RCSD1: variants seen among roughly 807,000 people sequenced by gnomAD.
RCSD1 encodes the protein RCSD domain containing 1.
Under a neutral mutation model 42.5 loss-of-function variants are expected in RCSD1, and 26 were observed. The ratio of observed to expected loss-of-function variants is 0.61; its 90% confidence interval spans 0.45 to 0.85. The LOEUF is 0.85. Among genes scored for constraint, RCSD1 ranks in the 40% least tolerant of loss-of-function variants. The pLI, the probability that RCSD1 is intolerant of heterozygous loss-of-function variation, is 0.00. For missense variants in RCSD1, 571 were observed against 528.3 expected, an observed-to-expected ratio of 1.08 and a Z score of -0.79; for synonymous variants, 220 against 212.2, an observed-to-expected ratio of 1.04 and a Z score of -0.32.
chr1:167,640,873 G>T (rs1171250371), intron 1 of RCSD1, among the ~76,000 whole-genome samples: 1 of 152,056 alleles, frequency 6.6e-6, no homozygotes, highest in Non-Finnish European at 1.5e-5. Flanking sequence ...AACTTTTAGG[G>T]GGTCACCATT....
At chr1:167,685,745 C>T (rs758438303) in intron 3 of RCSD1, among the ~76,000 whole-genome samples, 2 of 152,102 alleles carry the variant, frequency 1.3e-5, no homozygotes, top group African/African-American at 2.4e-5. Flanking sequence ...GTCAAGGACA[C>T]GAACACTATT....
chr1:167,691,226 T>C (rs1239336001), intron 4 of RCSD1, among the ~76,000 whole-genome samples: 1 of 152,230 alleles, frequency 6.6e-6, no homozygotes, highest in Admixed American at 6.5e-5. Context: ...AAAATGTCTC[T>C]AGACATTGTC....
intron 6 of RCSD1, among the ~76,000 whole-genome samples, chr1:167,698,924 C>G (rs547071442): frequency 2.0e-5 from 3 of 152,112 alleles, no homozygotes; most frequent in Admixed American, 6.5e-5. Flanking sequence ...CTCAGCCTCC[C>G]GAGTAGCTGG....
At chr1:167,676,987 C>T (rs1658967549) in intron 1 of RCSD1, among the ~76,000 whole-genome samples, 1 of 152,204 alleles carries the variant, frequency 6.6e-6, no homozygotes, top group South Asian at 2.1e-4. Context: ...CTGGGATTCT[C>T]CCTGGGAGCC....
chr1:167,692,934 G>T (rs1042512161), intron 4 of RCSD1, among the ~76,000 whole-genome samples: 2 of 151,900 alleles, frequency 1.3e-5, no homozygotes, highest in African/African-American at 4.8e-5. Flanking sequence ...GTGAGTATGG[G>T]GCAGGAGAGA....
Position 167,697,464 on chromosome 1 carries a change from G to A in RCSD1, c.840G>A (p.Glu280=), listed in dbSNP as rs552888962. ...ACGGCCAGCACCCGGCCCAAGAGGA[G>A]GTCCCGGAATCGCCCCAGACCTCTG... The part of the protein sequence containing the change: ...EVDGQHPAQE[E]VPESPQTSGP... The change falls in exon 6 of 7, where the codon GAG becomes GAA. Residue 280 remains glutamate, a synonymous_variant. Coordinates refer to ENST00000367854, the MANE Select transcript of RCSD1 (RefSeq NM_052862.4). 1.9e-6 allele frequency: 3 copies of A among 1,611,154 alleles called. No individual in the cohort carries two copies. Among genetic ancestry groups the A allele is most frequent in the Non-Finnish European group, 2.5e-6 (3 of 1,178,792 alleles).
At chr1:167,661,349 G>C (rs944940957) in intron 1 of RCSD1, among the ~76,000 whole-genome samples, 1 of 152,224 alleles carries the variant, frequency 6.6e-6, no homozygotes, top group Non-Finnish European at 1.5e-5. Context: ...CCCTGGTTGA[G>C]GGCCTAGTTC....
At chr1:167,671,590 A>G (rs1229357) in intron 1 of RCSD1, among the ~76,000 whole-genome samples, 77,741 of 152,044 alleles carry the variant, frequency 0.51, 20,288 homozygotes, top group East Asian at 0.65. Flanking sequence ...TCTGCAGGAG[A>G]CAGCATAGTT....
intron 1 of RCSD1, among the ~76,000 whole-genome samples, chr1:167,680,861 GGT>G (rs1282350875): frequency 6.6e-6 from 1 of 152,190 alleles, no homozygotes; most frequent in African/African-American, 2.4e-5. Flanking sequence ...AGAGGCTAAG[GGT>G]GTCTCAGGAA....
intron 1 of RCSD1, among the ~76,000 whole-genome samples, chr1:167,675,099 C>T (rs2902348): frequency 0.14 from 21,178 of 149,826 alleles, 3,296 homozygotes; most frequent in African/African-American, 0.39. Context: ...CCAGCTACTT[C>T]GGAGGCTGAG....
intron 4 of RCSD1, among the ~76,000 whole-genome samples, chr1:167,693,236 T>C (rs1659418040): frequency 1.3e-5 from 2 of 152,138 alleles, no homozygotes; most frequent in African/African-American, 4.8e-5. Flanking sequence ...TCTGTGGTGA[T>C]TTGGGAATGC....
rs564819473 is a variant in RCSD1, at chr1:167,639,578, C to T, written c.6+9149C>T. ...TGCAATCTCGGCTCACTGCAACCTC[C>T]ACCTCCCTGGTTCAAACGATTCTCC... On this transcript the variant is annotated intron_variant, in intron 1 of 6. Transcript: ENST00000367854. 1.8e-4 allele frequency among the ~76,000 whole-genome samples: 28 copies of T among 152,234 alleles called. No homozygotes were observed. The East Asian group carries it at 4.1e-3, about 22-fold the overall frequency.
intron 1 of RCSD1, among the ~76,000 whole-genome samples, chr1:167,634,835 T>C (rs1040533365): frequency 2.6e-5 from 4 of 152,186 alleles, no homozygotes; most frequent in African/African-American, 7.2e-5. Context: ...TCAGTATTTA[T>C]TGGGCCCTTA....
chr1:167,660,154 A>T (rs978163215), intron 1 of RCSD1, among the ~76,000 whole-genome samples: 1 of 152,122 alleles, frequency 6.6e-6, no homozygotes, highest in Non-Finnish European at 1.5e-5. Context: ...AGCATTTTAC[A>T]TGTGCTCTCT....
chr1:167,700,524 G>A (rs905447619), intron 6 of RCSD1, among the ~76,000 whole-genome samples: 3 of 152,098 alleles, frequency 2.0e-5, no homozygotes, highest in South Asian at 2.1e-4. Flanking sequence ...GGTTGTGGGC[G>A]CCTGTGGTCC....
Position 167,697,658 on chromosome 1 carries a change from TGAA to T in RCSD1, c.1036_1038del (p.Lys346del). 6.2e-7 allele frequency: 1 copy of T among 1,605,286 alleles called. No homozygotes were observed. The highest frequency in any genetic ancestry group is 8.5e-7 in the Non-Finnish European group (1 of 1,176,140). On this transcript the variant is annotated inframe_deletion, in exon 6 of 7. Coordinates refer to ENST00000367854, the MANE Select transcript of RCSD1 (RefSeq NM_052862.4). Reference sequence around the variant, plus strand: ...AAGAAGCTGGAGGAGGGAGCTGCAGTGAAGGAGACCCCCCACAGTCCCCCTGGA... The same window carrying T: ...AAGAAGCTGGAGGAGGGAGCTGCAGTGGAGACCCCCCACAGTCCCCCTGGA...
At position 167,704,849 on chromosome 1, in the gene RCSD1, C is replaced by A; in HGVS notation, c.*153C>A. ...CTGAAGACACAGGGTGGATTATTTC[C>A]TGGCCTCCACACCAAACGTTCCCTT... On this transcript the variant is annotated 3_prime_UTR_variant, in exon 7 of 7. Coordinates refer to ENST00000367854, the MANE Select transcript of RCSD1 (RefSeq NM_052862.4). The A allele has an allele frequency of 1.5e-6, 1 of 679,970 alleles. No homozygotes were observed. Among genetic ancestry groups the A allele is most frequent in the Non-Finnish European group, 2.6e-6 (1 of 391,150 alleles). The allele number at this position is 679,970 out of a possible 1,614,324, so 42.1% of individuals were successfully genotyped here.
At chr1:167,658,227 T>G (rs945878612) in intron 1 of RCSD1, among the ~76,000 whole-genome samples, 1 of 152,230 alleles carries the variant, frequency 6.6e-6, no homozygotes, top group Non-Finnish European at 1.5e-5. Flanking sequence ...TATACCTTTC[T>G]GTAGGATACT....
At position 167,706,189 on chromosome 1, in the gene RCSD1, C is replaced by G. The variant is rs1036605938; in HGVS notation, c.*1493C>G. On this transcript the variant is annotated 3_prime_UTR_variant, in exon 7 of 7. Transcript: ENST00000367854. ...TTTGTAATTTGTAACAAACTTGTAA[C>G]CTGGTTGGGACTGATATTGTCATAG... The G allele has an allele frequency of 1.3e-5, 2 of 152,086 alleles. No homozygotes were observed. Among genetic ancestry groups the G allele is most frequent in the Admixed American group, 6.6e-5 (1 of 15,258 alleles). 9.4% of individuals were successfully genotyped at this position (152,086 alleles called of 1,614,324 possible). A position where few individuals can be genotyped will look rare whatever the true frequency, so the allele number is the denominator to read the frequency against.
Sources: allele counts gnomAD v4.1 joint callset (sites outside exome capture counted in the v4.1 genomes callset), GRCh38; gene constraint gnomAD v4.1.1; transcripts MANE v1.5; gene names NCBI Gene and HGNC (gene_info 2026-07-23, HGNC 2026-07-21).